The following PPARGC1A variants were observed in gnomAD, a reference collection of about 807,000 sequenced individuals.
PPARGC1A encodes peroxisome proliferator-activated receptor gamma coactivator 1-alpha.
PPARGC1A carries 25 observed loss-of-function variants against 88.7 expected under a neutral mutation model. The ratio of observed to expected loss-of-function variants is 0.28; its 90% CI spans 0.21 to 0.39. The LOEUF (loss-of-function observed/expected upper bound fraction) is 0.39, where lower values mean the gene tolerates loss of function less well. Ranked by LOEUF, PPARGC1A falls within the 10% of genes least tolerant of loss-of-function variation. The probability of loss-of-function intolerance (pLI) is 1.00; values close to 1 mark genes in which losing one functional copy is unlikely to be tolerated. For missense variants in PPARGC1A, 880 were observed against 968.7 expected (o/e 0.91, Z 1.22); for synonymous variants, 363 against 355.6 (o/e 1.02, Z -0.24).
chr4:24,181,878 C>T, the PPARGC1A span, among the ~76,000 whole-genome samples: 3 of 152,054 alleles, frequency 2.0e-5, no homozygotes, highest in Admixed American at 6.5e-5. Flanking sequence ...GCCATCGAGA[C>T]CTTACCCCGA....
chr4:23,940,318 G>A, the PPARGC1A span, among the ~76,000 whole-genome samples: 1 of 152,156 alleles, frequency 6.6e-6, no homozygotes, highest in Admixed American at 6.5e-5. Context: ...TGTGGAAGAC[G>A]CTACATGGAA....
the PPARGC1A span, among the ~76,000 whole-genome samples, chr4:23,996,759 C>T: frequency 6.6e-6 from 1 of 152,216 alleles, no homozygotes; most frequent in Admixed American, 6.5e-5. Context: ...TCAACTCTGC[C>T]ATTGCAGCAT....
chr4:24,111,462 A>G, the PPARGC1A span, among the ~76,000 whole-genome samples: 1 of 152,308 alleles, frequency 6.6e-6, no homozygotes, highest in East Asian at 1.9e-4. Context: ...CAAACAACTA[A>G]CTTGCTACCA....
chr4:24,018,617 C>T, the PPARGC1A span, among the ~76,000 whole-genome samples: 4 of 152,122 alleles, frequency 2.6e-5, no homozygotes, highest in African/African-American at 4.8e-5. Context: ...TGGGGCCAAG[C>T]GACTATATAG....
chr4:23,799,290 C>G (rs555609897), intron 12 of PPARGC1A, among the ~76,000 whole-genome samples: 1 of 152,186 alleles, frequency 6.6e-6, no homozygotes, highest in South Asian at 2.1e-4. Context: ...CGACTTTACA[C>G]TTCTAACTTC....
At chr4:24,287,355 G>C in the PPARGC1A span, among the ~76,000 whole-genome samples, 8 of 152,134 alleles carry the variant, frequency 5.3e-5, no homozygotes, top group African/African-American at 1.9e-4. Context: ...CGCCCTCTTA[G>C]AGGCTACATA....
the PPARGC1A span, among the ~76,000 whole-genome samples, chr4:24,180,372 T>TTTCA: frequency 2.0e-5 from 3 of 152,218 alleles, no homozygotes; most frequent in Non-Finnish European, 4.4e-5. Flanking sequence ...CATAAACTGG[T>TTTCA]TACATTTTTT....
chr4:24,083,775 G>T, the PPARGC1A span, among the ~76,000 whole-genome samples: 1 of 152,270 alleles, frequency 6.6e-6, no homozygotes, highest in South Asian at 2.1e-4. Flanking sequence ...AAATGCACTG[G>T]AATTGTAAAT....
At chr4:24,061,750 A>C in the PPARGC1A span, among the ~76,000 whole-genome samples, 3 of 152,168 alleles carry the variant, frequency 2.0e-5, no homozygotes, top group Non-Finnish European at 2.9e-5. Context: ...GCTCACACAC[A>C]GTTGACACTG....
At chr4:24,294,632 C>A in the PPARGC1A span, among the ~76,000 whole-genome samples, 1 of 152,154 alleles carries the variant, frequency 6.6e-6, no homozygotes, top group Non-Finnish European at 1.5e-5. Flanking sequence ...GAATTATTAG[C>A]CTTTGGAGAT....
At position 23,795,767 on chromosome 4, in the gene PPARGC1A, G is replaced by A. The variant is rs566529986; in HGVS notation, c.*55C>T. ...CTTGCAATAGTCTTTAGGGAAGGACGCGCTGTCCCATGAGGTATTCGCCAT... is the reference window on the plus strand; with the variant it reads ...CTTGCAATAGTCTTTAGGGAAGGACACGCTGTCCCATGAGGTATTCGCCAT... On this transcript the variant is annotated 3_prime_UTR_variant, in exon 13 of 13. Transcript: ENST00000264867. The A allele has an allele frequency of 2.1e-5, 28 of 1,361,958 alleles. No individual in the cohort carries two copies. Among genetic ancestry groups the A allele is most frequent in the Non-Finnish European group, 2.9e-5 (28 of 979,620 alleles). 84.4% of individuals were successfully genotyped at this position (1,361,958 alleles called of 1,614,324 possible).
At chr4:23,910,234 ATAATATATATAAATATATATTATATATAT>A in the PPARGC1A span, among the ~76,000 whole-genome samples, 2 of 107,186 alleles carry the variant, frequency 1.9e-5, no homozygotes, top group African/African-American at 7.2e-5. Flanking sequence ...TATATTATAT[ATAATATATATAAATATATATTATATATAT>A]TAATATATAT....
the PPARGC1A span, among the ~76,000 whole-genome samples, chr4:23,931,217 G>A: frequency 8.5e-5 from 13 of 152,106 alleles, no homozygotes; most frequent in South Asian, 4.1e-4. Flanking sequence ...TGTGTGTCAC[G>A]CGTTATGCCA....
the PPARGC1A span, among the ~76,000 whole-genome samples, chr4:24,316,182 C>T: frequency 1.3e-5 from 2 of 152,184 alleles, no homozygotes; most frequent in Non-Finnish European, 2.9e-5. Context: ...CCAATGCAAG[C>T]GTCCAGCCAA....
chr4:24,114,248 G>T, the PPARGC1A span, among the ~76,000 whole-genome samples: 1 of 151,940 alleles, frequency 6.6e-6, no homozygotes, highest in Non-Finnish European at 1.5e-5. Flanking sequence ...CTGATACAGT[G>T]AACCACTGTT....
At chr4:24,336,393 G>A in the PPARGC1A span, among the ~76,000 whole-genome samples, 1 of 152,148 alleles carries the variant, frequency 6.6e-6, no homozygotes, top group Non-Finnish European at 1.5e-5. Flanking sequence ...ATGGATTACA[G>A]AACTGGATTT....
chr4:24,225,749 A>C, the PPARGC1A span, among the ~76,000 whole-genome samples: 1 of 152,018 alleles, frequency 6.6e-6, no homozygotes, highest in Non-Finnish European at 1.5e-5. Context: ...AGGCTATGGG[A>C]GGAATAGGTT....
the PPARGC1A span, among the ~76,000 whole-genome samples, chr4:24,074,535 A>G: frequency 6.6e-6 from 1 of 152,134 alleles, no homozygotes; most frequent in Non-Finnish European, 1.5e-5. Context: ...GATTTGACAT[A>G]CAAATATTTT....
chr4:24,006,145 T>C, the PPARGC1A span, among the ~76,000 whole-genome samples: 9 of 152,222 alleles, frequency 5.9e-5, no homozygotes, highest in Middle Eastern at 3.4e-3. Flanking sequence ...ACCTCCCGGG[T>C]TGAAGCAATT....
Sources: gnomAD v4.1 joint callset for allele counts (sites outside exome capture counted in the v4.1 genomes callset) on GRCh38, gnomAD v4.1.1 for gene constraint, MANE v1.5 for transcripts, NCBI Gene and HGNC (gene_info 2026-07-23, HGNC 2026-07-21) for gene names.